GPR37: variants seen among roughly 807,000 people sequenced by gnomAD.
GPR37 encodes the protein G protein-coupled receptor 37.
GPR37 carries 20 observed loss-of-function variants against 43.6 expected under a neutral mutation model. The observed-to-expected ratio is 0.46, with a 90% CI of 0.32 to 0.67. The LOEUF (loss-of-function observed/expected upper bound fraction) is 0.67, where lower values mean the gene tolerates loss of function less well. Among genes scored for constraint, GPR37 ranks in the 30% least tolerant of loss-of-function variants. The pLI, the probability that GPR37 is intolerant of heterozygous loss-of-function variation, is 0.03. For missense variants in GPR37, 724 were observed against 797.2 expected (o/e 0.91, Z 1.11); for synonymous variants, 315 against 322.6 (o/e 0.98, Z 0.25).
chr7:124,747,596 G>C (rs1562958036), intron 1 of GPR37, among the ~76,000 whole-genome samples: 2 of 152,210 alleles, frequency 1.3e-5, no homozygotes, highest in South Asian at 4.1e-4. Context: ...TTTAGGACTG[G>C]AAGGATCCAT....
intron 1 of GPR37, among the ~76,000 whole-genome samples, chr7:124,755,825 G>C (rs547210733): frequency 6.1e-4 from 93 of 152,224 alleles, no homozygotes; most frequent in African/African-American, 2.0e-3. Context: ...CAATCTTAAA[G>C]TGACCTGGAA....
Position 124,746,618 on chromosome 7 carries a change from A to AT in GPR37, c.1748dup (p.Asn583LysfsTer2). The AT allele has an allele frequency of 6.2e-7, 1 of 1,613,944 alleles. No homozygotes were observed. Among genetic ancestry groups the AT allele is most frequent in the Non-Finnish European group, 8.5e-7 (1 of 1,179,862 alleles). On this transcript the variant is annotated frameshift_variant, in exon 2 of 2. Transcript: ENST00000303921. LOFTEE classifies it high-confidence loss of function. Reference sequence around the variant, plus strand: ...CGAGTTCCGTGGTGTACTCGTTGTCATTGTCATCACTGGTCACCGTTGAAG... The same window carrying AT: ...CGAGTTCCGTGGTGTACTCGTTGTCATTTGTCATCACTGGTCACCGTTGAAG...
rs201392107 is a variant in GPR37 at position 124,764,072 on chromosome 7, T to C, written c.905A>G (p.Asn302Ser). The C allele has an allele frequency of 1.9e-5, 30 of 1,614,158 alleles. No homozygotes were observed. In the East Asian group the frequency reaches 6.5e-4, roughly 35 times the overall value. Residue 302 changes from asparagine to serine, a missense_variant, in exon 1 of 2, where the codon AAC becomes AGC. Around this residue, in one of 2 missense-constraint regions of GPR37, gnomAD observed 342 missense variants for 441.8 expected, o/e 0.77. Coordinates refer to ENST00000303921, the MANE Select transcript of GPR37 (RefSeq NM_005302.5). This position sits in a 1 kb window ranked among gnomAD's most constrained non-coding sequence, Gnocchi z 5.4. Reference protein sequence around the residue: ...MRSISNSLLANLAFWDFLIIF... With the variant: ...MRSISNSLLASLAFWDFLIIF... ...GATGAGAAAGTCCCAGAAGGCCAGGTTGGCCAAGAGGGAGTTGGAGATGCT... is the reference window on the plus strand; with the variant it reads ...GATGAGAAAGTCCCAGAAGGCCAGGCTGGCCAAGAGGGAGTTGGAGATGCT...
rs1793881095 is a variant in GPR37 at position 124,764,002 on chromosome 7, C to G, written c.975G>C (p.Lys325Asn). Residue 325 changes from lysine to asparagine, a missense_variant, in exon 1 of 2, where the codon AAG becomes AAC. Around this residue, in one of 2 missense-constraint regions of GPR37, gnomAD observed 342 missense variants for 441.8 expected, o/e 0.77. Transcript: ENST00000303921. This position sits in a 1 kb window ranked among gnomAD's most constrained non-coding sequence, Gnocchi z 5.4. ...AGGAGAAGTCCTCCAGCAGCCACTTCTTGGTCAGCTCGTGGAAGATGACCA... is the reference window on the plus strand; with the variant it reads ...AGGAGAAGTCCTCCAGCAGCCACTTGTTGGTCAGCTCGTGGAAGATGACCA... ...LPLVIFHELT[K>N]KWLLEDFSCK... 4 of 1,614,006 alleles carry G rather than the reference C, an allele frequency of 2.5e-6. No individual in the cohort carries two copies. Among genetic ancestry groups the G allele is most frequent in the Non-Finnish European group, 3.4e-6 (4 of 1,180,032 alleles).
In GPR37 at chr7:124,765,560, T is replaced by A. The variant is rs1456955701; in HGVS notation, c.-584A>T. On this transcript the variant is annotated 5_prime_UTR_variant, in exon 1 of 2. Transcript: ENST00000303921. ...AGCAGCGCTGATGCGCCGGCGAAACTCTTGCCCCACCTAACCCCAGCGACT... is the reference window on the plus strand; with the variant it reads ...AGCAGCGCTGATGCGCCGGCGAAACACTTGCCCCACCTAACCCCAGCGACT... 6.6e-6 allele frequency: 1 copy of A among 152,256 alleles called. No individual in the cohort carries two copies. Among genetic ancestry groups the A allele is most frequent in the Non-Finnish European group, 1.5e-5 (1 of 68,110 alleles). 9.4% of individuals were successfully genotyped at this position (152,256 alleles called of 1,614,324 possible). A position where few individuals can be genotyped will look rare whatever the true frequency, so the allele number is the denominator to read the frequency against.
At chr7:124,749,482 G>A (rs572078058) in intron 1 of GPR37, among the ~76,000 whole-genome samples, 23 of 152,036 alleles carry the variant, frequency 1.5e-4, no homozygotes, top group African/African-American at 5.5e-4. Flanking sequence ...TTGACAAAAG[G>A]GAAACCATTT....
chr7:124,757,478 A>C (rs925467444), intron 1 of GPR37, among the ~76,000 whole-genome samples: 1 of 152,216 alleles, frequency 6.6e-6, no homozygotes, highest in Non-Finnish European at 1.5e-5. Context: ...GGAAACAAAA[A>C]AGCAAGAATT....
Position 124,764,445 on chromosome 7 carries a change from C to G in GPR37, c.532G>C (p.Asp178His). 1.2e-6 allele frequency: 2 copies of G among 1,613,698 alleles called. No individual in the cohort carries two copies. The highest frequency in any genetic ancestry group is 2.2e-5 in the South Asian group (2 of 91,086). The change falls in exon 1 of 2, where the codon GAT becomes CAT. Residue 178 changes from aspartate (D) to histidine (H), a missense_variant. Physicochemically the swap from Asp to His is moderately conservative, Grantham distance 81. Around this residue, in one of 2 missense-constraint regions of GPR37, gnomAD observed 382 missense variants for 355.4 expected, o/e 1.07. Coordinates refer to ENST00000303921, the MANE Select transcript of GPR37 (RefSeq NM_005302.5). The surrounding 1 kb of genome is among the most constrained non-coding windows in gnomAD (Gnocchi z 5.4). ...GCTCTCCTTGGCCAGTAAAAAAGATCGCTGGCTCCGGGGACTGTCTTCACA... is the reference window on the plus strand; with the variant it reads ...GCTCTCCTTGGCCAGTAAAAAAGATGGCTGGCTCCGGGGACTGTCTTCACA... Reference protein sequence around the residue: ...QSVKTVPGASDLFYWPRRAGK... With the variant: ...QSVKTVPGASHLFYWPRRAGK...
Position 124,765,047 on chromosome 7 carries a change from C to T in GPR37, c.-71G>A. On this transcript the variant is annotated 5_prime_UTR_variant, in exon 1 of 2. Transcript: ENST00000303921. Reference sequence around the variant, plus strand: ...GGATCGACACCTGCTGCCGAAGTTGCTGCTGAGAGTTAGGCACATGTCACA... The same window carrying T: ...GGATCGACACCTGCTGCCGAAGTTGTTGCTGAGAGTTAGGCACATGTCACA... The T allele has an allele frequency of 7.3e-7, 1 of 1,371,478 alleles. No homozygotes were observed. Among genetic ancestry groups the T allele is most frequent in the Non-Finnish European group, 9.6e-7 (1 of 1,047,092 alleles). The allele number at this position is 1,371,478 out of a possible 1,614,324, so 85.0% of individuals were successfully genotyped here.
rs1011743228 is a variant in GPR37, at chr7:124,747,072, T to C, written c.1295A>G (p.Tyr432Cys). The C allele has an allele frequency of 6.2e-7, 1 of 1,613,954 alleles. No homozygotes were observed. The change falls in exon 2 of 2, where the codon TAT (tyrosine) becomes TGT (cysteine). Residue 432 changes from tyrosine (Y) to cysteine (C), a missense_variant. Around this residue, in one of 2 missense-constraint regions of GPR37, gnomAD observed 342 missense variants for 441.8 expected, o/e 0.77. Transcript: ENST00000303921. The stretch of plus-strand genomic sequence containing the variant: ...ACTGTCGTAGGTGAGGGCTAGAACA[T>C]AGATGGTGTCTGGTAAATCAGGAGA... Reference protein sequence around the residue: ...KISPDLPDTIYVLALTYDSAR... With the variant: ...KISPDLPDTICVLALTYDSAR...
In GPR37 at chr7:124,744,227, A is replaced by G. The variant is rs1403546317; in HGVS notation, c.*2298T>C. The G allele has an allele frequency of 6.6e-6, 1 of 152,120 alleles. No individual in the cohort carries two copies. The highest frequency in any genetic ancestry group is 1.5e-5 in the Non-Finnish European group (1 of 68,004). The allele number at this position is 152,120 out of a possible 1,614,324, so 9.4% of individuals were successfully genotyped here. A position where few individuals can be genotyped will look rare whatever the true frequency, so the allele number is the denominator to read the frequency against. ...TTTCATGATCAGACTGTCCCCTACCAGCCTATTTAAACTGTTTGCAAGTTG... is the reference window on the plus strand; with the variant it reads ...TTTCATGATCAGACTGTCCCCTACCGGCCTATTTAAACTGTTTGCAAGTTG... On this transcript the variant is annotated 3_prime_UTR_variant, in exon 2 of 2. Coordinates refer to ENST00000303921, the MANE Select transcript of GPR37 (RefSeq NM_005302.5).
chr7:124,762,632 C>T (rs75286725), intron 1 of GPR37, among the ~76,000 whole-genome samples: 517 of 152,324 alleles, frequency 3.4e-3, no homozygotes, highest in Non-Finnish European at 5.8e-3. Context: ...TTCAGAGATA[C>T]GCCAAGCTTG....
Position 124,747,188 on chromosome 7 carries a change from T to G in GPR37, c.1179A>C (p.Leu393Phe). The G allele has an allele frequency of 6.2e-7, 1 of 1,613,964 alleles. No homozygotes were observed. The highest frequency in any genetic ancestry group is 8.5e-7 in the Non-Finnish European group (1 of 1,179,924). ...GGCGGAGAACAACTTCTGGAAGTGC[T>G]AACAATAGAGCTCCCACCCATATAA... ...LAVIWVGALL[L>F]ALPEVVLRQL... The change falls in exon 2 of 2, where the codon TTA becomes TTC. Residue 393 changes from leucine (L) to phenylalanine (F), a missense_variant. Leu to Phe is a conservative substitution (Grantham distance 22). Around this residue, in one of 2 missense-constraint regions of GPR37, gnomAD observed 342 missense variants for 441.8 expected, o/e 0.77. Coordinates refer to ENST00000303921, the MANE Select transcript of GPR37 (RefSeq NM_005302.5).
rs1793666650 is a variant in GPR37, at chr7:124,746,057, A to C, written c.*468T>G. On this transcript the variant is annotated 3_prime_UTR_variant, in exon 2 of 2. Coordinates refer to ENST00000303921, the MANE Select transcript of GPR37 (RefSeq NM_005302.5). Reference sequence around the variant, plus strand: ...ATTGGTTAAAAGTAGATTGACAATGACATTAAAGAATAAAGTGTAATTTAT... The same window carrying C: ...ATTGGTTAAAAGTAGATTGACAATGCCATTAAAGAATAAAGTGTAATTTAT... The C allele has an allele frequency of 6.6e-6, 1 of 152,502 alleles. No homozygotes were observed. Among genetic ancestry groups the C allele is most frequent in the Admixed American group, 6.5e-5 (1 of 15,292 alleles). The allele number at this position is 152,502 out of a possible 1,614,324, so 9.4% of individuals were successfully genotyped here.
rs79434865 is a variant in GPR37, at chr7:124,762,778, G to A, written c.1023+1176C>T. On this transcript the variant is annotated intron_variant, in intron 1 of 1. Coordinates refer to ENST00000303921, the MANE Select transcript of GPR37 (RefSeq NM_005302.5). Reference sequence around the variant, plus strand: ...CTCCAGCTTTGGTCCGTCTAAGTAGGTACTGTTTTCTGTTTACTTATCCCC... The same window carrying A: ...CTCCAGCTTTGGTCCGTCTAAGTAGATACTGTTTTCTGTTTACTTATCCCC... Among the ~76,000 whole-genome samples the A allele has an allele frequency of 8.9e-3, 1,362 of 152,298 alleles. 7 individuals are homozygous for A. Among genetic ancestry groups the A allele is most frequent in the Non-Finnish European group, 0.015 (1,040 of 68,020 alleles).
intron 1 of GPR37, among the ~76,000 whole-genome samples, chr7:124,752,387 A>C (rs1023736276): frequency 1.3e-5 from 2 of 152,150 alleles, no homozygotes; most frequent in Non-Finnish European, 2.9e-5. Flanking sequence ...TATCCTCAAG[A>C]GGTCTGGAAT....
intron 1 of GPR37, among the ~76,000 whole-genome samples, chr7:124,752,575 T>G (rs1381901805): frequency 6.6e-6 from 1 of 152,158 alleles, no homozygotes; most frequent in Admixed American, 6.6e-5. Flanking sequence ...GAGACTGCAG[T>G]TGAGAATCAC....
At chr7:124,763,834 G>T (rs1793878731) in intron 1 of GPR37, 120 bp downstream of exon 1, 5 of 839,386 alleles carry the variant, frequency 6.0e-6, no homozygotes, top group Non-Finnish European at 9.4e-6. Flanking sequence ...AAATGAAAGA[G>T]GGCCCCAGAT....
Position 124,750,767 on chromosome 7 carries a change from C to T in GPR37, c.1024-3424G>A, listed in dbSNP as rs370196529. Among the ~76,000 whole-genome samples, 19 of 152,220 alleles carry T rather than the reference C, an allele frequency of 1.2e-4. No individual in the cohort carries two copies. In the East Asian group the frequency reaches 3.3e-3, roughly 26 times the overall value. ...GATATCAGAAGCTGTGCTGCACATC[C>T]GCTCTTAATTAGAAGATGTTAACTG... On this transcript the variant is annotated intron_variant, in intron 1 of 1. Coordinates refer to ENST00000303921, the MANE Select transcript of GPR37 (RefSeq NM_005302.5).
Sources: gnomAD v4.1 joint callset for allele counts (sites outside exome capture counted in the v4.1 genomes callset) on GRCh38, gnomAD v4.1.1 for gene constraint, gnomAD v4.1.1 regional missense constraint, Gnocchi (gnomAD v3.1) non-coding constraint, MANE v1.5 for transcripts, NCBI Gene and HGNC (gene_info 2026-07-23, HGNC 2026-07-21) for gene names.